CLSTN2: variants seen among roughly 807,000 people sequenced by gnomAD.
CLSTN2 encodes calsyntenin 2, also known as calsyntenin-2.
Under a neutral mutation model 101.2 loss-of-function variants are expected in CLSTN2, and 48 were observed. That is an observed-to-expected ratio of 0.47 (90% CI 0.38 to 0.60). The LOEUF (loss-of-function observed/expected upper bound fraction) is 0.60. Among genes scored for constraint, CLSTN2 ranks in the 20% least tolerant of loss-of-function variants. The pLI is 0.00. For synonymous variants in CLSTN2, 481 were observed against 463.6 expected (o/e 1.04, Z -0.48); for missense variants, 1,160 against 1,238.2 (o/e 0.94, Z 0.95).
chr3:140,532,165 C>T (rs1373504778), intron 8 of CLSTN2, among the ~76,000 whole-genome samples, 159 bp from the exon 9 acceptor site: 1 of 152,192 alleles, frequency 6.6e-6, no homozygotes, highest in African/African-American at 2.4e-5. Flanking sequence ...TGACAAGCTT[C>T]TATAACTTCA....
intron 2 of CLSTN2, among the ~76,000 whole-genome samples, chr3:140,201,940 T>C (rs1052020175): frequency 6.6e-6 from 1 of 152,028 alleles, no homozygotes; most frequent in Non-Finnish European, 1.5e-5. Context: ...TGCTTGACTG[T>C]GAAGATGATA....
intron 2 of CLSTN2, among the ~76,000 whole-genome samples, chr3:140,212,098 C>T (rs2010862993): frequency 6.6e-6 from 1 of 152,188 alleles, no homozygotes; most frequent in Non-Finnish European, 1.5e-5. Context: ...ACATTTGCAC[C>T]AAATGCTGAC....
intron 1 of CLSTN2, among the ~76,000 whole-genome samples, chr3:140,121,159 A>G (rs916680420): frequency 6.6e-6 from 1 of 152,180 alleles, no homozygotes. Context: ...TGCGCTAGAA[A>G]TGACAAGAGG....
intron 1 of CLSTN2, among the ~76,000 whole-genome samples, chr3:140,100,569 G>C (rs879580816): frequency 2.0e-5 from 3 of 152,222 alleles, no homozygotes; most frequent in Non-Finnish European, 4.4e-5. Context: ...ATAGAAAAAT[G>C]TAAGTTTGCA....
chr3:140,569,806 G>A lies in CLSTN2; in HGVS notation c.*3553G>A, dbSNP rs892547066. ...CGAGTTTCCTGCCTCAGACTCCCGAGTAGCTGGGATTACAGGCATCCACCA... is the reference window on the plus strand; with the variant it reads ...CGAGTTTCCTGCCTCAGACTCCCGAATAGCTGGGATTACAGGCATCCACCA... On this transcript the variant is annotated 3_prime_UTR_variant, in exon 17 of 17. Transcript: ENST00000458420. The A allele has an allele frequency of 8.5e-5, 13 of 152,198 alleles. No homozygotes were observed. Among genetic ancestry groups the A allele is most frequent in the African/African-American group, 2.9e-4 (12 of 41,416 alleles). 9.4% of individuals were successfully genotyped at this position (152,198 alleles called of 1,614,324 possible). A position where few individuals can be genotyped will look rare whatever the true frequency, so the allele number is the denominator to read the frequency against.
At chr3:139,937,716 C>T (rs2107805194) in intron 1 of CLSTN2, among the ~76,000 whole-genome samples, 1 of 152,244 alleles carries the variant, frequency 6.6e-6, no homozygotes, top group African/African-American at 2.4e-5. Flanking sequence ...TACACTCCAG[C>T]CTGGGCAACA....
chr3:140,466,234 C>T (rs1194012473), intron 7 of CLSTN2, among the ~76,000 whole-genome samples: 6 of 152,184 alleles, frequency 3.9e-5, no homozygotes, highest in Non-Finnish European at 8.8e-5. Context: ...CACAGAGTGA[C>T]TGATGTGATT....
chr3:140,005,139 G>C (rs1307559825), intron 1 of CLSTN2, among the ~76,000 whole-genome samples: 1 of 152,152 alleles, frequency 6.6e-6, no homozygotes, highest in African/African-American at 2.4e-5. Flanking sequence ...AAGCACTAGA[G>C]ACCTTGGCCC....
intron 1 of CLSTN2, among the ~76,000 whole-genome samples, chr3:139,976,204 A>G (rs1181123711): frequency 1.3e-5 from 2 of 152,150 alleles, no homozygotes; most frequent in African/African-American, 4.8e-5. Flanking sequence ...TACCCTGGGG[A>G]TCGGGAGCCT....
At chr3:140,352,669 TCCCTTATG>T (rs1316913125) in intron 2 of CLSTN2, among the ~76,000 whole-genome samples, 1 of 152,216 alleles carries the variant, frequency 6.6e-6, no homozygotes, top group Non-Finnish European at 1.5e-5. Flanking sequence ...AGCAGTCTTT[TCCCTTATG>T]CCCCTGTCAG....
chr3:140,331,571 G>A (rs571891421), intron 2 of CLSTN2, among the ~76,000 whole-genome samples: 26 of 152,300 alleles, frequency 1.7e-4, no homozygotes, highest in Non-Finnish European at 2.8e-4. Flanking sequence ...AGGCTGCATG[G>A]CTTCAGGTTG....
chr3:140,449,262 G>A (rs920927240), intron 6 of CLSTN2, among the ~76,000 whole-genome samples: 2 of 152,182 alleles, frequency 1.3e-5, no homozygotes, highest in African/African-American at 4.8e-5. Context: ...ACTAAGCCTT[G>A]GGCCCTATAT....
chr3:140,335,940 G>A (rs930451030), intron 2 of CLSTN2, among the ~76,000 whole-genome samples: 10 of 152,074 alleles, frequency 6.6e-5, no homozygotes, highest in Non-Finnish European at 8.8e-5. Context: ...GATCCCTCCC[G>A]TCCCATAAAA....
intron 1 of CLSTN2, among the ~76,000 whole-genome samples, chr3:140,059,968 C>T (rs1234239878): frequency 6.6e-6 from 1 of 152,142 alleles, no homozygotes; most frequent in African/African-American, 2.4e-5. Flanking sequence ...TGGCATAATA[C>T]CCTAGCCCTT....
intron 1 of CLSTN2, among the ~76,000 whole-genome samples, chr3:140,002,458 T>C (rs1191005885): frequency 6.6e-6 from 1 of 152,254 alleles, no homozygotes; most frequent in Non-Finnish European, 1.5e-5. Context: ...TTATGGTTAT[T>C]AATCCCTTGT....
intron 9 of CLSTN2, among the ~76,000 whole-genome samples, chr3:140,538,420 TGGGAAAAGCCAA>T (rs987572624): frequency 9.8e-5 from 15 of 152,320 alleles, no homozygotes; most frequent in South Asian, 2.1e-4. Context: ...CTGTGGCTTT[TGGGAAAAGCCAA>T]GGGAAAAGCC....
chr3:140,564,150 T>C lies in CLSTN2; in HGVS notation c.2667+5T>C, dbSNP rs1351636082. On this transcript the variant is annotated splice_donor_5th_base_variant and intron_variant, in intron 16 of 16. Coordinates refer to ENST00000458420, the MANE Select transcript of CLSTN2 (RefSeq NM_022131.3). The stretch of plus-strand genomic sequence containing the variant: ...ATCACAGTCAACCCCATGGAGGTGA[T>C]CCTCATGCACGGCTGGGAGTTCTGG... 6 of 1,613,328 alleles carry C rather than the reference T, an allele frequency of 3.7e-6. No individual in the cohort carries two copies. Among genetic ancestry groups the C allele is most frequent in the Non-Finnish European group, 5.1e-6 (6 of 1,179,528 alleles).
chr3:140,440,911 G>A (rs2088757069), intron 5 of CLSTN2, among the ~76,000 whole-genome samples: 1 of 152,190 alleles, frequency 6.6e-6, no homozygotes, highest in Non-Finnish European at 1.5e-5. Flanking sequence ...GGGGCTCGTT[G>A]TTTAAAAATT....
intron 1 of CLSTN2, among the ~76,000 whole-genome samples, chr3:140,067,267 C>A (rs2008315492): frequency 6.6e-6 from 1 of 152,116 alleles, no homozygotes; most frequent in Non-Finnish European, 1.5e-5. Flanking sequence ...TGGTTTCTTA[C>A]CTTTCTCAAT....
Sources: allele counts gnomAD v4.1 joint callset (sites outside exome capture counted in the v4.1 genomes callset), GRCh38; gene constraint gnomAD v4.1.1; transcripts MANE v1.5; gene names NCBI Gene and HGNC (gene_info 2026-07-23, HGNC 2026-07-21).